Variants in PCDH9 observed in about 807,000 individuals in gnomAD.
PCDH9 encodes protocadherin-9.
In PCDH9, 24 loss-of-function variants were observed where a neutral mutation model predicts 70.6. That is an observed-to-expected ratio of 0.34 (90% CI 0.25 to 0.48). The LOEUF (loss-of-function observed/expected upper bound fraction) is 0.48, where lower values mean the gene tolerates loss of function less well. Among genes scored for constraint, PCDH9 ranks in the 20% least tolerant of loss-of-function variants. The pLI is 0.99. For missense variants in PCDH9, 1,281 were observed against 1,503.6 expected, an observed-to-expected ratio of 0.85 and a Z score of 2.45; for synonymous variants, 562 against 558.5, an observed-to-expected ratio of 1.01 and a Z score of -0.09.
At chr13:66,697,439 A>G (rs1593911215) in intron 3 of PCDH9, among the ~76,000 whole-genome samples, 1 of 152,210 alleles carries the variant, frequency 6.6e-6, no homozygotes, top group African/African-American at 2.4e-5. Context: ...GGCATTATTT[A>G]TAAAACTTTA....
At chr13:67,143,774 A>C (rs718901) in intron 2 of PCDH9, among the ~76,000 whole-genome samples, 3 of 152,090 alleles carry the variant, frequency 2.0e-5, no homozygotes, top group African/African-American at 4.8e-5. Context: ...GAAAGTCTGC[A>C]TACATATAGC....
intron 2 of PCDH9, among the ~76,000 whole-genome samples, chr13:67,181,571 G>A (rs1385421489): frequency 2.0e-5 from 3 of 152,152 alleles, no homozygotes; most frequent in African/African-American, 4.8e-5. Flanking sequence ...TAGGTACAGT[G>A]TAATGGAGGT....
intron 2 of PCDH9, among the ~76,000 whole-genome samples, chr13:66,909,446 AC>A (rs898431560): frequency 1.6e-4 from 24 of 152,102 alleles, no homozygotes; most frequent in Admixed American, 5.9e-4. Context: ...AAAAAAAAAA[AC>A]ATATCCTTTT....
chr13:66,829,717 C>CAAAAAAAAAAAAA lies in PCDH9; in HGVS notation c.3138+73774_3138+73786dup, dbSNP rs562176354. ...TGGGCGACAGAGCGAGACTCCGTCTCAAAAAAAAAAAAAAAAAAAAAAAAA... is the reference window on the plus strand; with the variant it reads ...TGGGCGACAGAGCGAGACTCCGTCTCAAAAAAAAAAAAAAAAAAAAAAAAAAAAAAAAAAAAAA... On this transcript the variant is annotated intron_variant, in intron 3 of 4. Coordinates refer to ENST00000377865, the MANE Select transcript of PCDH9 (RefSeq NM_203487.3). Among the ~76,000 whole-genome samples, 492 of 53,108 alleles carry CAAAAAAAAAAAAA rather than the reference C, an allele frequency of 9.3e-3. 99 individuals carry two copies. Among genetic ancestry groups the CAAAAAAAAAAAAA allele is most frequent in the East Asian group, 0.027 (31 of 1,158 alleles). The allele number at this position is 53,108 out of a possible 152,430, so 34.8% of individuals were successfully genotyped here.
chr13:66,960,725 C>T (rs2083332340), intron 2 of PCDH9, among the ~76,000 whole-genome samples: 1 of 152,278 alleles, frequency 6.6e-6, no homozygotes, highest in Non-Finnish European at 1.5e-5. Context: ...ATTACAGTCT[C>T]AATGCACTGT....
chr13:66,419,800 A>C, intron 4 of PCDH9, among the ~76,000 whole-genome samples: 1 of 148,360 alleles, frequency 6.7e-6, no homozygotes, highest in African/African-American at 2.5e-5. Flanking sequence ...GCACTGTAAC[A>C]CCAGCGAAAC....
At chr13:66,530,085 A>C (rs566320022) in intron 4 of PCDH9, among the ~76,000 whole-genome samples, 1 of 152,184 alleles carries the variant, frequency 6.6e-6, no homozygotes, top group African/African-American at 2.4e-5. Flanking sequence ...AATCACTATT[A>C]CTGGAGTTTA....
intron 4 of PCDH9, among the ~76,000 whole-genome samples, chr13:66,373,337 G>A (rs1419892356): frequency 6.6e-6 from 1 of 151,908 alleles, no homozygotes; most frequent in Non-Finnish European, 1.5e-5. Flanking sequence ...GTGGCGGGTT[G>A]GGGGGTGAAT....
chr13:66,323,255 T>C lies in PCDH9; in HGVS notation c.3341-18227A>G, dbSNP rs1955786436. On this transcript the variant is annotated intron_variant, in intron 4 of 4. Coordinates refer to ENST00000377865, the MANE Select transcript of PCDH9 (RefSeq NM_203487.3). ...AAATGAGTCTTCATATCCTCCCAAATATTTTTCAAGAACGTTTGGCATTAC... is the reference window on the plus strand; with the variant it reads ...AAATGAGTCTTCATATCCTCCCAAACATTTTTCAAGAACGTTTGGCATTAC... 2 of 151,982 alleles carry C rather than the reference T, an allele frequency of 1.3e-5. 1 individual carries two copies. The highest frequency in any genetic ancestry group is 4.1e-4 in the South Asian group (2 of 4,832). 9.4% of individuals were successfully genotyped at this position (151,982 alleles called of 1,614,324 possible).
chr13:66,996,048 A>G (rs1217260044), intron 2 of PCDH9, among the ~76,000 whole-genome samples: 1 of 152,204 alleles, frequency 6.6e-6, no homozygotes, highest in Non-Finnish European at 1.5e-5. Context: ...AACACTGTCT[A>G]GTCTTGCAGA....
intron 3 of PCDH9, among the ~76,000 whole-genome samples, chr13:66,659,325 C>T (rs2077974420): frequency 1.3e-5 from 2 of 152,090 alleles, no homozygotes. Flanking sequence ...GTCTCAAAGG[C>T]TTATTTTGTG....
intron 3 of PCDH9, among the ~76,000 whole-genome samples, chr13:66,780,571 AT>A (rs1308337192): frequency 6.6e-6 from 1 of 151,936 alleles, no homozygotes; most frequent in Non-Finnish European, 1.5e-5. Context: ...GTCAACAGCA[AT>A]TTTTTTCAGT....
intron 4 of PCDH9, among the ~76,000 whole-genome samples, chr13:66,379,927 C>G (rs531790749): frequency 5.7e-4 from 87 of 151,936 alleles, no homozygotes; most frequent in African/African-American, 2.1e-3. Flanking sequence ...GCCTGTGCCT[C>G]AAAACAAACA....
At chr13:66,975,908 A>G (rs1249487027) in intron 2 of PCDH9, among the ~76,000 whole-genome samples, 1 of 152,068 alleles carries the variant, frequency 6.6e-6, no homozygotes, top group Non-Finnish European at 1.5e-5. Context: ...ATACATTTCT[A>G]AATAAACCTG....
intron 2 of PCDH9, among the ~76,000 whole-genome samples, chr13:67,133,499 A>C (rs955607866): frequency 2.6e-5 from 4 of 152,116 alleles, no homozygotes; most frequent in African/African-American, 9.6e-5. Context: ...ATAATATAGG[A>C]TGCTTTACTG....
chr13:67,066,692 G>T (rs1020971295), intron 2 of PCDH9, among the ~76,000 whole-genome samples: 4 of 152,032 alleles, frequency 2.6e-5, no homozygotes, highest in African/African-American at 9.7e-5. Flanking sequence ...TATTATATTA[G>T]TTTAAAATTC....
At chr13:66,529,876 T>C (rs1960373388) in intron 4 of PCDH9, among the ~76,000 whole-genome samples, 4 of 136,072 alleles carry the variant, frequency 2.9e-5, no homozygotes, top group Admixed American at 2.1e-4. Flanking sequence ...ATCACCATGC[T>C]GTTAAAAAAA....
chr13:66,796,074 A>G (rs185086741), intron 3 of PCDH9, among the ~76,000 whole-genome samples: 5 of 152,264 alleles, frequency 3.3e-5, no homozygotes, highest in Middle Eastern at 3.4e-3. Flanking sequence ...TTGCTTAAGG[A>G]TGATATTTCC....
intron 2 of PCDH9, among the ~76,000 whole-genome samples, chr13:67,127,676 A>ATGTGTGTGTGTGTGTGTGTGTGTG (rs142545550): frequency 2.7e-5 from 4 of 145,490 alleles, no homozygotes. Context: ...ATATATATAT[A>ATGTGTGTGTGTGTGTGTGTGTGTG]TGTGTGTGTG....
Sources: allele counts gnomAD v4.1 joint callset (sites outside exome capture counted in the v4.1 genomes callset), GRCh38; gene constraint gnomAD v4.1.1; transcripts MANE v1.5; gene names NCBI Gene and HGNC (gene_info 2026-07-23, HGNC 2026-07-21).